Variants in WDR70 observed in about 807,000 individuals in gnomAD.
The protein encoded by WDR70 is WD repeat-containing protein 70.
A neutral mutation model predicts 88.6 loss-of-function variants in WDR70; 53 were observed. That is an observed-to-expected ratio of 0.60 (90% CI 0.48 to 0.75). The LOEUF is 0.75. WDR70 is among the 30% of genes least tolerant of loss of function. The pLI, the probability that WDR70 is intolerant of heterozygous loss-of-function variation, is 0.00. For missense variants in WDR70, 610 were observed against 823.2 expected (o/e 0.74, Z 3.17); for synonymous variants, 280 against 270.0 (o/e 1.04, Z -0.36).
At chr5:37,514,336 C>CTATATATATATATATATATATATA (rs1385732925) in intron 8 of WDR70, among the ~76,000 whole-genome samples, 3 of 10,940 alleles carry the variant, frequency 2.7e-4, no homozygotes, top group South Asian at 0.013. Context: ...ATATTTAGAA[C>CTATATATATATATATATATATATA]TACATATATA....
chr5:37,527,467 T>C (rs1741320807), intron 9 of WDR70, among the ~76,000 whole-genome samples: 1 of 152,186 alleles, frequency 6.6e-6, no homozygotes, highest in Non-Finnish European at 1.5e-5. Context: ...CCTTATACCT[T>C]ATACAAAAAT....
chr5:37,640,261 T>C (rs886544047), intron 10 of WDR70, among the ~76,000 whole-genome samples: 2 of 152,198 alleles, frequency 1.3e-5, no homozygotes, highest in Admixed American at 6.5e-5. Context: ...AAATACCTGT[T>C]CCACATATCT....
chr5:37,688,746 C>A (rs1243148644), intron 10 of WDR70, among the ~76,000 whole-genome samples: 1 of 114,942 alleles, frequency 8.7e-6, no homozygotes, highest in Non-Finnish European at 2.0e-5. Flanking sequence ...CAGCTCTGGT[C>A]TGCAGCTCCC....
intron 5 of WDR70, among the ~76,000 whole-genome samples, chr5:37,415,502 G>C (rs1205782997): frequency 1.3e-5 from 1 of 78,610 alleles, no homozygotes; most frequent in African/African-American, 3.7e-5. Flanking sequence ...GCTGGGGGTG[G>C]GGGGGGCCTG....
chr5:37,485,661 A>G (rs376635238), intron 8 of WDR70, among the ~76,000 whole-genome samples: 1 of 151,944 alleles, frequency 6.6e-6, no homozygotes, highest in South Asian at 2.1e-4. Flanking sequence ...AATGAACAAT[A>G]TATATTATTT....
At chr5:37,576,796 C>G (rs535017009) in intron 9 of WDR70, among the ~76,000 whole-genome samples, 1 of 151,434 alleles carries the variant, frequency 6.6e-6, no homozygotes, top group Admixed American at 6.6e-5. Context: ...TTTTCTAAAC[C>G]CTCAGAGACT....
intron 7 of WDR70, among the ~76,000 whole-genome samples, chr5:37,467,767 A>T (rs1283424609): frequency 6.6e-6 from 1 of 151,056 alleles, no homozygotes; most frequent in Non-Finnish European, 1.5e-5. Flanking sequence ...CCCAGGCCGG[A>T]CTGCAGTGGC....
chr5:37,438,337 T>C (rs1750545167), intron 6 of WDR70, among the ~76,000 whole-genome samples: 1 of 152,190 alleles, frequency 6.6e-6, no homozygotes, highest in East Asian at 1.9e-4. Flanking sequence ...GTAAAAGGCA[T>C]GAATTTGTTC....
chr5:37,724,490 ACATTT>A (rs1747912383), intron 15 of WDR70: 1 of 155,400 alleles, frequency 6.4e-6, no homozygotes, highest in African/African-American at 2.4e-5. Context: ...AGAGGTGGTC[ACATTT>A]CAGAAACGTG....
At position 37,444,810 on chromosome 5, in the gene WDR70, G is replaced by A. The variant is rs1738407549; in HGVS notation, c.686+1438G>A. ...GGGTAGCGTGGAGGTCGGGGTGGTG[G>A]GATGGTTTCTGGATGAAACTGTTCT... On this transcript the variant is annotated intron_variant, in intron 7 of 17. Coordinates refer to ENST00000265107, the MANE Select transcript of WDR70 (RefSeq NM_018034.4). Among the ~76,000 whole-genome samples, 3 of 152,086 alleles carry A rather than the reference G, an allele frequency of 2.0e-5. No homozygotes were observed. In the South Asian group the frequency reaches 6.2e-4, roughly 32 times the overall value.
At chr5:37,473,343 CTTT>C (rs70978821) in intron 7 of WDR70, among the ~76,000 whole-genome samples, 15 of 117,216 alleles carry the variant, frequency 1.3e-4, no homozygotes, top group Admixed American at 1.8e-4. Flanking sequence ...TATTCATATT[CTTT>C]TTTTTTTTTT....
chr5:37,447,792 T>A (rs1416083221), intron 7 of WDR70, among the ~76,000 whole-genome samples: 1 of 152,132 alleles, frequency 6.6e-6, no homozygotes. Context: ...TGTCATGGGA[T>A]GCGGGGAGGA....
Position 37,638,487 on chromosome 5 carries a change from G to A in WDR70, c.1092+33249G>A, listed in dbSNP as rs1000706136. 5.3e-5 allele frequency among the ~76,000 whole-genome samples: 8 copies of A among 152,274 alleles called. No individual in the cohort carries two copies. The East Asian group carries it at 7.7e-4, about 15-fold the overall frequency. On this transcript the variant is annotated intron_variant, in intron 10 of 17. Coordinates refer to ENST00000265107, the MANE Select transcript of WDR70 (RefSeq NM_018034.4). ...CAAATGCATACATGCACGCACATGC[G>A]CGCACATACACATAAAGAGCAGTAC... is the stretch of plus-strand genomic sequence containing the variant.
At chr5:37,585,436 A>G (rs1743338636) in intron 9 of WDR70, among the ~76,000 whole-genome samples, 1 of 152,170 alleles carries the variant, frequency 6.6e-6, no homozygotes, top group Admixed American at 6.5e-5. Flanking sequence ...AATCATGTAC[A>G]ACATAGAAGT....
chr5:37,400,337 G>A (rs34372533), intron 5 of WDR70, among the ~76,000 whole-genome samples: 9,161 of 152,270 alleles, frequency 0.06, 380 homozygotes, highest in Non-Finnish European at 0.093. Context: ...AGAACATTAA[G>A]TAGTGTCTAA....
At chr5:37,462,963 C>T (rs1035185813) in intron 7 of WDR70, among the ~76,000 whole-genome samples, 10 of 152,038 alleles carry the variant, frequency 6.6e-5, no homozygotes, top group African/African-American at 2.4e-4. Flanking sequence ...AGTCTTGTCT[C>T]CTCATTTTCC....
intron 9 of WDR70, among the ~76,000 whole-genome samples, chr5:37,555,930 G>T (rs1742283601): frequency 6.6e-6 from 1 of 152,172 alleles, no homozygotes; most frequent in South Asian, 2.1e-4. Flanking sequence ...TGTTGGCCAG[G>T]CTGGTCTCCA....
At chr5:37,667,693 A>G (rs1445478711) in intron 10 of WDR70, among the ~76,000 whole-genome samples, 1 of 152,118 alleles carries the variant, frequency 6.6e-6, no homozygotes, top group East Asian at 1.9e-4. Context: ...AGAAGTGAAC[A>G]GTTGCAACAG....
chr5:37,725,087 T>A, intron 16 of WDR70, 37 bp downstream of exon 16: 2 of 1,574,780 alleles, frequency 1.3e-6, no homozygotes, highest in South Asian at 2.2e-5. Context: ...CAGAGGGGGT[T>A]CAGAGGCAGG....
Sources: allele counts gnomAD v4.1 joint callset (sites outside exome capture counted in the v4.1 genomes callset), GRCh38; gene constraint gnomAD v4.1.1; transcripts MANE v1.5; gene names NCBI Gene and HGNC (gene_info 2026-07-23, HGNC 2026-07-21).